Variants in GPR176 observed in about 807,000 individuals in gnomAD.
GPR176 encodes the protein G protein-coupled receptor 176.
A neutral mutation model predicts 35.4 loss-of-function variants in GPR176; 26 were observed. The ratio of observed to expected loss-of-function variants is 0.74; its 90% CI spans 0.54 to 1.02. The LOEUF (loss-of-function observed/expected upper bound fraction) is 1.02, where lower values mean the gene tolerates loss of function less well. GPR176 is among the 50% of genes least tolerant of loss of function. The pLI is 0.00. For synonymous variants in GPR176, 278 were observed against 271.3 expected, an observed-to-expected ratio of 1.02 and a Z score of -0.24; for missense variants, 597 against 665.3, an observed-to-expected ratio of 0.90 and a Z score of 1.13.
chr15:39,856,981 T>G lies in GPR176; in HGVS notation c.173-49723A>C, dbSNP rs188349043. On this transcript the variant is annotated intron_variant, in intron 1 of 2. Coordinates refer to ENST00000561100, the MANE Select transcript of GPR176 (RefSeq NM_007223.3). ...GAAGATTCCGGTGCACAGTAGGCAT[T>G]CCATATGTCTTTACTGGTTGAGTTT... Among the ~76,000 whole-genome samples the G allele has an allele frequency of 3.9e-4, 59 of 152,234 alleles. 2 individuals are homozygous for G. The East Asian group carries it at 0.01, about 26-fold the overall frequency.
intron 1 of GPR176, among the ~76,000 whole-genome samples, chr15:39,896,409 A>G (rs1172075619): frequency 2.0e-5 from 3 of 152,240 alleles, no homozygotes; most frequent in Non-Finnish European, 4.4e-5. Flanking sequence ...GGTCCAACCA[A>G]GAAATATCTT....
intron 1 of GPR176, among the ~76,000 whole-genome samples, chr15:39,816,267 T>G (rs992309073): frequency 2.0e-5 from 3 of 152,188 alleles, no homozygotes; most frequent in African/African-American, 7.2e-5. Flanking sequence ...TGCTTTAAAA[T>G]GTAGATTTTA....
intron 1 of GPR176, among the ~76,000 whole-genome samples, chr15:39,865,227 A>G (rs1356987315): frequency 6.6e-6 from 1 of 152,182 alleles, no homozygotes; most frequent in Non-Finnish European, 1.5e-5. Flanking sequence ...ACAGATCCTT[A>G]TATCAAAAAG....
chr15:39,876,498 A>C (rs2032251327), intron 1 of GPR176, among the ~76,000 whole-genome samples: 1 of 151,820 alleles, frequency 6.6e-6, no homozygotes, highest in African/African-American at 2.4e-5. Flanking sequence ...GTGTTCTACC[A>C]GTTGTTTCAG....
chr15:39,894,292 G>A (rs2033012648), intron 1 of GPR176, among the ~76,000 whole-genome samples: 1 of 109,180 alleles, frequency 9.2e-6, no homozygotes. Context: ...CGGACGGGGC[G>A]GCTGGCCGGG....
intron 1 of GPR176, among the ~76,000 whole-genome samples, chr15:39,916,271 C>A (rs2033723566): frequency 6.6e-6 from 1 of 152,094 alleles, no homozygotes; most frequent in Non-Finnish European, 1.5e-5. Context: ...GTGATTGGTG[C>A]CATTGAAGAG....
rs144462182 is a variant in GPR176, at chr15:39,800,710, C to G, written c.*422G>C. 5.3e-4 allele frequency: 87 copies of G among 163,946 alleles called. No individual in the cohort carries two copies. Among genetic ancestry groups the G allele is most frequent in the Middle Eastern group, 6.5e-3 (2 of 306 alleles). The allele number at this position is 163,946 out of a possible 1,614,324, so 10.2% of individuals were successfully genotyped here. A position where few individuals can be genotyped will look rare whatever the true frequency, so the allele number is the denominator to read the frequency against. ...AAACAGGCATTTTCTCTGGAGCCACCATGCTCCATCATGATCTTGGAATTC... is the reference window on the plus strand; with the variant it reads ...AAACAGGCATTTTCTCTGGAGCCACGATGCTCCATCATGATCTTGGAATTC... On this transcript the variant is annotated 3_prime_UTR_variant, in exon 3 of 3. Transcript: ENST00000561100.
chr15:39,810,294 GT>G (rs1899466394), intron 1 of GPR176, among the ~76,000 whole-genome samples: 1 of 152,170 alleles, frequency 6.6e-6, no homozygotes, highest in South Asian at 2.1e-4. Flanking sequence ...TTCTCGTTCT[GT>G]AATATACTTA....
chr15:39,916,864 C>G (rs938599736), intron 1 of GPR176, among the ~76,000 whole-genome samples: 2 of 152,176 alleles, frequency 1.3e-5, no homozygotes, highest in African/African-American at 4.8e-5. Flanking sequence ...AGTTTTCTTG[C>G]CTTGCTTCTG....
intron 1 of GPR176, among the ~76,000 whole-genome samples, chr15:39,898,138 C>T (rs2033174130): frequency 1.3e-5 from 2 of 152,110 alleles, no homozygotes; most frequent in African/African-American, 4.8e-5. Context: ...TTTCATGAAA[C>T]CATAATGTCA....
At chr15:39,807,337 A>G (rs1308512685) in intron 1 of GPR176, 79 bp from the exon 2 acceptor site, 1 of 987,930 alleles carries the variant, frequency 1.0e-6, no homozygotes, top group South Asian at 2.5e-5. Context: ...ACAGGTTAAA[A>G]AATGTAAAAA....
rs1004752294 is a variant in GPR176, at chr15:39,883,024, G to A, written c.172+36831C>T. ...GTTGAACACTGAGAGTAAGTATAGA[G>A]CTTCTTTGAGAAGACTGAACAGCAA... On this transcript the variant is annotated intron_variant, in intron 1 of 2. Coordinates refer to ENST00000561100, the MANE Select transcript of GPR176 (RefSeq NM_007223.3). Among the ~76,000 whole-genome samples, 45 of 152,172 alleles carry A rather than the reference G, an allele frequency of 3.0e-4. No homozygotes were observed. In the South Asian group the frequency reaches 4.8e-3, roughly 16 times the overall value.
At chr15:39,870,887 T>C (rs979179374) in intron 1 of GPR176, among the ~76,000 whole-genome samples, 53 of 152,074 alleles carry the variant, frequency 3.5e-4, no homozygotes, top group African/African-American at 1.2e-3. Flanking sequence ...CATCCTAGAA[T>C]TGCAAGAAAT....
chr15:39,804,471 G>A (rs1386267704), intron 2 of GPR176, among the ~76,000 whole-genome samples: 1 of 152,110 alleles, frequency 6.6e-6, no homozygotes, highest in African/African-American at 2.4e-5. Flanking sequence ...CTTTTCTGCT[G>A]GAAAGAAAAT....
rs200752696 is a variant in GPR176 at position 39,884,146 on chromosome 15, G to A, written c.172+35709C>T. ...CTGGGCCCACTCCCTTCAAACAAGG[G>A]GTCACACTAACTTGTTGGCTCCTAA... On this transcript the variant is annotated intron_variant, in intron 1 of 2. Coordinates refer to ENST00000561100, the MANE Select transcript of GPR176 (RefSeq NM_007223.3). Among the ~76,000 whole-genome samples, 14 of 152,268 alleles carry A rather than the reference G, an allele frequency of 9.2e-5. No homozygotes were observed. In the East Asian group the frequency reaches 2.7e-3, roughly 29 times the overall value.
At chr15:39,914,002 C>T (rs76925454) in intron 1 of GPR176, among the ~76,000 whole-genome samples, 2,172 of 152,168 alleles carry the variant, frequency 0.014, 53 homozygotes, top group East Asian at 0.094. Flanking sequence ...GCTGAGATAG[C>T]GCCACCGCAC....
At chr15:39,889,703 T>C (rs773991510) in intron 1 of GPR176, among the ~76,000 whole-genome samples, 5 of 152,186 alleles carry the variant, frequency 3.3e-5, no homozygotes, top group African/African-American at 7.2e-5. Context: ...AATTGCAAGT[T>C]TGTGAATACC....
At chr15:39,893,423 A>G (rs1566964967) in intron 1 of GPR176, among the ~76,000 whole-genome samples, 2 of 152,142 alleles carry the variant, frequency 1.3e-5, no homozygotes, top group Non-Finnish European at 2.9e-5. Context: ...GTTGGGGGTA[A>G]GGTCACAGAT....
chr15:39,878,096 CTGTGTG>C (rs58251937), intron 1 of GPR176, among the ~76,000 whole-genome samples: 107 of 130,040 alleles, frequency 8.2e-4, no homozygotes, highest in Middle Eastern at 8.5e-3. Context: ...CCATAGTTAC[CTGTGTG>C]TGTGTGTGTG....
Sources: gnomAD v4.1 joint callset for allele counts (sites outside exome capture counted in the v4.1 genomes callset) on GRCh38, gnomAD v4.1.1 for gene constraint, MANE v1.5 for transcripts, NCBI Gene and HGNC (gene_info 2026-07-23, HGNC 2026-07-21) for gene names.